CCDC33: variants seen among roughly 807,000 people sequenced by gnomAD.
CCDC33 encodes the protein coiled-coil domain-containing protein 33.
CCDC33 carries 94 observed loss-of-function variants against 91.9 expected under a neutral mutation model. That is an observed-to-expected ratio of 1.02 (90% CI 0.87 to 1.21). The LOEUF (loss-of-function observed/expected upper bound fraction) is 1.21, where lower values mean the gene tolerates loss of function less well. Among genes scored for constraint, CCDC33 ranks in the 50% most tolerant of loss-of-function variants. The pLI, the probability that CCDC33 is intolerant of heterozygous loss-of-function variation, is 0.00. For missense variants in CCDC33, 940 were observed against 935.5 expected, an observed-to-expected ratio of 1.00 and a Z score of -0.06; for synonymous variants, 396 against 374.5, an observed-to-expected ratio of 1.06 and a Z score of -0.66.
intron 2 of CCDC33, 89 bp from the exon 3 acceptor site, chr15:74,262,351 C>T (rs1484289645): frequency 1.3e-6 from 2 of 1,535,968 alleles, no homozygotes. Context: ...CCACCTTTCA[C>T]TCAGATTTAT....
intron 10 of CCDC33, among the ~76,000 whole-genome samples, chr15:74,286,330 C>G (rs1187882422): frequency 6.6e-6 from 1 of 152,184 alleles, no homozygotes; most frequent in Non-Finnish European, 1.5e-5. Context: ...TTGGTCTCCT[C>G]CATTCCTCCT....
At chr15:74,226,840 A>AT (rs1387756258) in intron 2 of CCDC33, among the ~76,000 whole-genome samples, 1 of 152,006 alleles carries the variant, frequency 6.6e-6, no homozygotes, top group Non-Finnish European at 1.5e-5. Flanking sequence ...AAAAAAAAAA[A>AT]AAAGGTGGAG....
At chr15:74,325,802 G>A (rs2060298663) in intron 11 of CCDC33, among the ~76,000 whole-genome samples, 1 of 151,960 alleles carries the variant, frequency 6.6e-6, no homozygotes, top group African/African-American at 2.4e-5. Flanking sequence ...GGTGGGTAAG[G>A]GTTAAGCATT....
chr15:74,206,082 G>C (rs750222952), intron 1 of CCDC33, among the ~76,000 whole-genome samples: 2 of 152,162 alleles, frequency 1.3e-5, no homozygotes, highest in Non-Finnish European at 2.9e-5. Context: ...TCTCAAATCC[G>C]GCCTGGAGAT....
chr15:74,317,082 A>G (rs1436745619), intron 11 of CCDC33, among the ~76,000 whole-genome samples: 3 of 152,222 alleles, frequency 2.0e-5, no homozygotes, highest in Non-Finnish European at 4.4e-5. Context: ...GGAGTGGGCC[A>G]GGTGCAGTGG....
chr15:74,223,955 C>T (rs2074702706), intron 2 of CCDC33, among the ~76,000 whole-genome samples: 1 of 152,186 alleles, frequency 6.6e-6, no homozygotes, highest in Non-Finnish European at 1.5e-5. Context: ...CCCCCTTCTC[C>T]TCCTTTGACA....
At chr15:74,216,302 T>G (rs964160828), upstream of CCDC33, among the ~76,000 whole-genome samples, 4 of 151,794 alleles carry the variant, frequency 2.6e-5, no homozygotes, top group Non-Finnish European at 5.9e-5. Context: ...ACATGAATTA[T>G]AGAATTTCAG....
At chr15:74,259,751 G>A (rs1239634999) in intron 2 of CCDC33, among the ~76,000 whole-genome samples, 2 of 152,178 alleles carry the variant, frequency 1.3e-5, no homozygotes, top group African/African-American at 2.4e-5. Flanking sequence ...GGGAGGATAC[G>A]AGGACAGTAG....
chr15:74,231,539 G>A (rs2074971163), upstream of CCDC33, among the ~76,000 whole-genome samples: 1 of 152,176 alleles, frequency 6.6e-6, no homozygotes, highest in African/African-American at 2.4e-5. Flanking sequence ...CCCAGTTTCT[G>A]GAGAGAGGAA....
chr15:74,243,670 C>T (rs755214067), intron 1 of CCDC33: 2 of 467,846 alleles, frequency 4.3e-6, no homozygotes, highest in South Asian at 1.5e-5. Context: ...GAGGAGGCCA[C>T]TCAGGGCCAG....
rs778220564 is a variant in CCDC33, at chr15:74,280,703, C to T, written c.925C>T (p.Leu309=). The T allele has an allele frequency of 9.4e-5, 145 of 1,549,622 alleles. No individual in the cohort carries two copies. The highest frequency in any genetic ancestry group is 1.2e-4 in the Non-Finnish European group (138 of 1,147,256). The part of the protein sequence containing the change: ...GSQPWTLNQP[L]GISVLPLKSR... ...CCAGCCGTGGACCCTCAACCAGCCC[C>T]TGGGCATCTCTGTGTTGCCGCTAAA... The change falls in exon 9 of 19, where the codon CTG becomes TTG. Residue 309 remains leucine (L), a synonymous_variant. Transcript: ENST00000398814.
chr15:74,257,433 T>G (rs999492174), intron 2 of CCDC33, among the ~76,000 whole-genome samples: 16 of 152,174 alleles, frequency 1.1e-4, no homozygotes, highest in Non-Finnish European at 2.4e-4. Context: ...AGCTCCTCCT[T>G]TGAGGAGTCC....
chr15:74,330,463 C>A, intron 12 of CCDC33, 109 bp downstream of exon 12: 2 of 1,313,508 alleles, frequency 1.5e-6, no homozygotes, highest in Non-Finnish European at 2.1e-6. Context: ...TGCTGCTGGA[C>A]TCTGGCAAAT....
chr15:74,254,254 A>G (rs1019656850), intron 2 of CCDC33, among the ~76,000 whole-genome samples: 5 of 152,052 alleles, frequency 3.3e-5, no homozygotes, highest in African/African-American at 1.2e-4. Flanking sequence ...GCTGGTCTCG[A>G]ACTCCTGACT....
At chr15:74,307,122 C>T (rs1289225000) in intron 11 of CCDC33, among the ~76,000 whole-genome samples, 6 of 152,086 alleles carry the variant, frequency 3.9e-5, no homozygotes, top group Non-Finnish European at 5.9e-5. Flanking sequence ...GGAGCACTCT[C>T]GGTAACTAAA....
At chr15:74,272,274 C>A (rs1272760488) in intron 6 of CCDC33, among the ~76,000 whole-genome samples, 1 of 152,174 alleles carries the variant, frequency 6.6e-6, no homozygotes, top group Non-Finnish European at 1.5e-5. Flanking sequence ...CAGCCTTTAG[C>A]CCTGCCGGGC....
chr15:74,217,313 G>A, exon 1 of CCDC33: 2 of 1,288,512 alleles, frequency 1.6e-6, no homozygotes, highest in South Asian at 1.2e-5. Context: ...CTGCATCCCT[G>A]CTGAGACAGA....
intron 11 of CCDC33, among the ~76,000 whole-genome samples, chr15:74,329,673 T>A (rs185040911): frequency 0.019 from 2,844 of 152,180 alleles, 86 homozygotes; most frequent in African/African-American, 0.066. Flanking sequence ...CAGGGTGACC[T>A]TGGGTCCTCT....
chr15:74,291,597 A>G (rs2059585737), intron 10 of CCDC33, among the ~76,000 whole-genome samples: 1 of 152,260 alleles, frequency 6.6e-6, no homozygotes, highest in African/African-American at 2.4e-5. Context: ...TGTGCGCTCC[A>G]GCAAGAAGGC....
Sources: allele counts gnomAD v4.1 joint callset (sites outside exome capture counted in the v4.1 genomes callset), GRCh38; gene constraint gnomAD v4.1.1; transcripts MANE v1.5; gene names NCBI Gene and HGNC (gene_info 2026-07-23, HGNC 2026-07-21).